Variants in TNRC6C observed in about 807,000 individuals in gnomAD.
TNRC6C encodes trinucleotide repeat-containing gene 6C protein.
A neutral mutation model predicts 153.7 loss-of-function variants in TNRC6C; 20 were observed. That is an observed-to-expected ratio of 0.13 (90% CI 0.09 to 0.19). The LOEUF (loss-of-function observed/expected upper bound fraction) is 0.19. TNRC6C is among the 10% of genes least tolerant of loss of function. The probability of loss-of-function intolerance (pLI) is 1.00; values close to 1 mark genes in which losing one functional copy is unlikely to be tolerated. For missense variants in TNRC6C, 1,987 were observed against 2,172.0 expected, an observed-to-expected ratio of 0.91 and a Z score of 1.69; for synonymous variants, 811 against 841.4, an observed-to-expected ratio of 0.96 and a Z score of 0.63.
At chr17:77,969,757 A>T (rs2144055704) in intron 1 of TNRC6C, among the ~76,000 whole-genome samples, 1 of 151,990 alleles carries the variant, frequency 6.6e-6, no homozygotes, top group African/African-American at 2.4e-5. Context: ...ACAAGCAGAG[A>T]TCTCACGGAT....
intron 3 of TNRC6C, among the ~76,000 whole-genome samples, chr17:78,057,243 A>G (rs1199027465): frequency 6.6e-6 from 1 of 152,218 alleles, no homozygotes; most frequent in East Asian, 1.9e-4. Context: ...GGCTACACTG[A>G]GTATTATTCC....
chr17:78,075,823 A>G lies in TNRC6C; in HGVS notation c.3060+545A>G, dbSNP rs1257791321. ...GATGTCCCCATGCCAGACTGGTGTG[A>G]CTGCAAAGCGGAGAAAAGCATTGCA... is the stretch of plus-strand genomic sequence containing the variant. On this transcript the variant is annotated intron_variant, in intron 8 of 19. Coordinates refer to ENST00000301624, the Ensembl canonical transcript of TNRC6C. This position sits in a 1 kb window ranked among gnomAD's most constrained non-coding sequence, Gnocchi z 4.2. Among the ~76,000 whole-genome samples the G allele has an allele frequency of 1.3e-5, 2 of 152,156 alleles. No individual in the cohort carries two copies. The highest frequency in any genetic ancestry group is 2.4e-5 in the African/African-American group (1 of 41,424).
At chr17:77,982,687 T>C (rs55949642) in intron 1 of TNRC6C, among the ~76,000 whole-genome samples, 12,370 of 151,900 alleles carry the variant, frequency 0.081, 1,307 homozygotes, top group African/African-American at 0.25. Flanking sequence ...AAAAATCAGC[T>C]GGGTGTGGTG....
chr17:78,101,737 A>G (rs2073598789), intron 17 of TNRC6C, among the ~76,000 whole-genome samples: 1 of 152,124 alleles, frequency 6.6e-6, no homozygotes, highest in Non-Finnish European at 1.5e-5. Flanking sequence ...TATCTGCAAC[A>G]GGAGCATATC....
intron 1 of TNRC6C, among the ~76,000 whole-genome samples, chr17:77,965,135 C>T (rs1196034471): frequency 1.3e-5 from 2 of 152,220 alleles, no homozygotes; most frequent in Non-Finnish European, 2.9e-5. Flanking sequence ...TTGCTTTTAA[C>T]ATTCCCATTT....
At chr17:78,027,311 T>G (rs930126762) in intron 1 of TNRC6C, among the ~76,000 whole-genome samples, 2 of 152,072 alleles carry the variant, frequency 1.3e-5, no homozygotes, top group Admixed American at 6.5e-5. Context: ...AGGTGATTGT[T>G]GCCATTTGTG....
At chr17:78,059,857 A>AG (rs1567944367) in intron 3 of TNRC6C, among the ~76,000 whole-genome samples, 3 of 151,720 alleles carry the variant, frequency 2.0e-5, no homozygotes, top group Non-Finnish European at 4.4e-5. Context: ...AAAAAAAAAA[A>AG]AAAAAAGAAA....
exon 3 of TNRC6C, chr17:78,050,664 G>C (rs751673356): frequency 1.3e-6 from 2 of 1,557,772 alleles, no homozygotes; most frequent in Admixed American, 3.7e-5. Flanking sequence ...CAAGTGGCCC[G>C]GGGGTTTGGG....
intron 1 of TNRC6C, among the ~76,000 whole-genome samples, chr17:78,010,813 A>G (rs1466983396): frequency 6.6e-6 from 1 of 152,238 alleles, no homozygotes; most frequent in African/African-American, 2.4e-5. Context: ...AACAAAAAAA[A>G]TATTAAGATG....
upstream of TNRC6C, chr17:78,004,149 A>C (rs1262816299): frequency 8.1e-7 from 1 of 1,231,648 alleles, no homozygotes; most frequent in Non-Finnish European, 1.0e-6. Context: ...AACTTATACT[A>C]GTTTTCTTTG....
At chr17:78,025,551 G>A (rs545107479) in intron 1 of TNRC6C, among the ~76,000 whole-genome samples, 6 of 152,162 alleles carry the variant, frequency 3.9e-5, no homozygotes, top group Admixed American at 3.3e-4. Flanking sequence ...ATAAACATTT[G>A]TGTGCAGGTT....
Position 78,077,181 on chromosome 17 carries a change from T to A in TNRC6C, c.3061-4T>A. The A allele has an allele frequency of 6.3e-7, 1 of 1,598,718 alleles. No homozygotes were observed. The highest frequency in any genetic ancestry group is 8.5e-7 in the Non-Finnish European group (1 of 1,173,484). On this transcript the variant is annotated splice_polypyrimidine_tract_variant and splice_region_variant and intron_variant, in intron 8 of 19. Transcript: ENST00000301624. ...CACAGCTCACCCTTTCTTTCTCCAA[T>A]CAGGATGGCGGCCTCGTGGAAGAGC...
rs117862021 is a variant in TNRC6C at position 78,093,384 on chromosome 17, C to T, written c.4163-236C>T. ...GGGAGGAAGCACACTGCACACTATCCGGTAAAACTATTCCAACCCTGTGTG... is the reference window on the plus strand; with the variant it reads ...GGGAGGAAGCACACTGCACACTATCTGGTAAAACTATTCCAACCCTGTGTG... On this transcript the variant is annotated intron_variant, in intron 15 of 19. Transcript: ENST00000301624. 83 of 663,678 alleles carry T rather than the reference C, an allele frequency of 1.3e-4. 1 individual carries two copies. The highest frequency in any genetic ancestry group is 7.9e-4 in the East Asian group (29 of 36,600). 41.1% of individuals were successfully genotyped at this position (663,678 alleles called of 1,614,324 possible). A position where few individuals can be genotyped will look rare whatever the true frequency, so the allele number is the denominator to read the frequency against.
chr17:78,018,428 C>T (rs899845317), intron 1 of TNRC6C, among the ~76,000 whole-genome samples: 19 of 152,104 alleles, frequency 1.2e-4, no homozygotes, highest in African/African-American at 2.7e-4. Flanking sequence ...CATGCCCAGC[C>T]GGAACCATGT....
intron 16 of TNRC6C, among the ~76,000 whole-genome samples, chr17:78,095,402 G>A (rs2144594789): frequency 6.6e-6 from 1 of 152,352 alleles, no homozygotes; most frequent in South Asian, 2.1e-4. Context: ...TGGCCTTTGA[G>A]ATAAGGCAAG....
In TNRC6C at chr17:78,077,353, A is replaced by G. The variant is rs1163019606; in HGVS notation, c.3210+19A>G. 2.6e-6 allele frequency: 4 copies of G among 1,563,778 alleles called. No individual in the cohort carries two copies. Among genetic ancestry groups the G allele is most frequent in the Non-Finnish European group, 3.5e-6 (4 of 1,153,654 alleles). On this transcript the variant is annotated intron_variant, in intron 9 of 19. Coordinates refer to ENST00000301624, the Ensembl canonical transcript of TNRC6C. ...TAGACAGGTAAGGCTGTTTGGAGAG[A>G]GCAAAACATGGCCTTTGTTTTACCT...
At chr17:78,091,525 C>A in exon 14 of TNRC6C, 1 of 1,609,280 alleles carries the variant, frequency 6.2e-7, no homozygotes, top group Non-Finnish European at 8.5e-7. Context: ...CCCAGTCACG[C>A]CTCCCCCAGT....
chr17:78,072,111 C>T lies in TNRC6C; in HGVS notation c.2860-926C>T, dbSNP rs189054380. On this transcript the variant is annotated intron_variant, in intron 6 of 19. Transcript: ENST00000301624. ...TGAGTCCAGAATGGCCTCCATGTAG[C>T]GGAGGAACCCCATCCTTCACACTGG... Among the ~76,000 whole-genome samples the T allele has an allele frequency of 8.5e-5, 13 of 152,326 alleles. No individual in the cohort carries two copies. The East Asian group carries it at 2.3e-3, about 27-fold the overall frequency.
chr17:78,086,328 TAAAAAAAAAAAAAAAA>T (rs58348772), intron 11 of TNRC6C, among the ~76,000 whole-genome samples, 159 bp from the exon 14 acceptor site: 16,302 of 54,576 alleles, frequency 0.3, 1,392 homozygotes, highest in Admixed American at 0.41. Flanking sequence ...AGACTCCATC[TAAAAAAAAAAAAAAAA>T]AAAAAAAAAA....
Sources: allele counts gnomAD v4.1 joint callset (sites outside exome capture counted in the v4.1 genomes callset), GRCh38; gene constraint gnomAD v4.1.1; non-coding constraint Gnocchi (gnomAD v3.1); transcripts MANE v1.5; gene names NCBI Gene and HGNC (gene_info 2026-07-23, HGNC 2026-07-21).